VAV3: variants seen among roughly 807,000 people sequenced by gnomAD.
VAV3 encodes the protein vav guanine nucleotide exchange factor 3, also known as guanine nucleotide exchange factor VAV3.
VAV3 carries 94 observed loss-of-function variants against 131.2 expected under a neutral mutation model. That is an observed-to-expected ratio of 0.72 (90% CI 0.61 to 0.85). The LOEUF (loss-of-function observed/expected upper bound fraction) is 0.85. Ranked by LOEUF, VAV3 falls within the 40% of genes least tolerant of loss-of-function variation. The pLI, the probability that VAV3 is intolerant of heterozygous loss-of-function variation, is 0.00. For missense variants in VAV3, 939 were observed against 1,002.7 expected (o/e 0.94, Z 0.86); for synonymous variants, 349 against 342.0 (o/e 1.02, Z -0.22).
At chr1:107,860,836 G>T (rs532236916) in intron 2 of VAV3, among the ~76,000 whole-genome samples, 2 of 151,720 alleles carry the variant, frequency 1.3e-5, no homozygotes, top group South Asian at 4.2e-4. Flanking sequence ...TTTGAGTCCA[G>T]CCTGGGCAAC....
At chr1:107,720,306 C>A (rs1661407496) in intron 15 of VAV3, among the ~76,000 whole-genome samples, 1 of 151,322 alleles carries the variant, frequency 6.6e-6, no homozygotes, top group African/African-American at 2.4e-5. Flanking sequence ...TCACTTGAGC[C>A]CAGGATGTTG....
intron 24 of VAV3, among the ~76,000 whole-genome samples, chr1:107,596,671 T>C (rs56131616): frequency 0.017 from 2,611 of 152,308 alleles, 38 homozygotes; most frequent in Non-Finnish European, 0.027. Context: ...TTATTGTTCT[T>C]ATTTATGAAA....
Position 107,687,929 on chromosome 1 carries a change from A to C in VAV3, c.1731+452T>G, listed in dbSNP as rs115722834. Among the ~76,000 whole-genome samples, 1,137 of 152,320 alleles carry C rather than the reference A, an allele frequency of 7.5e-3. 14 individuals carry two copies. The highest frequency in any genetic ancestry group is 0.026 in the African/African-American group (1,067 of 41,576). ...TTCATTTGATCAATAGGATGTGATA[A>C]TCATCATCTTTCTGCTCTAATGGAA... On this transcript the variant is annotated intron_variant, in intron 18 of 26. Transcript: ENST00000370056.
intron 10 of VAV3, among the ~76,000 whole-genome samples, chr1:107,758,872 C>T (rs558337334): frequency 7.1e-4 from 108 of 152,280 alleles, no homozygotes; most frequent in Non-Finnish European, 1.2e-3. Context: ...AAATTATGTT[C>T]TAATATCTAA....
intron 20 of VAV3, among the ~76,000 whole-genome samples, chr1:107,632,088 C>T (rs530593419): frequency 6.6e-6 from 1 of 152,198 alleles, no homozygotes; most frequent in South Asian, 2.1e-4. Context: ...GTTTACAGTC[C>T]CACCAACAGT....
intron 2 of VAV3, among the ~76,000 whole-genome samples, chr1:107,858,492 C>T (rs1200027170): frequency 1.3e-5 from 2 of 152,164 alleles, no homozygotes; most frequent in Middle Eastern, 3.2e-3. Flanking sequence ...GTCTGGTACA[C>T]AGCAGGAGGT....
intron 2 of VAV3, among the ~76,000 whole-genome samples, chr1:107,869,139 C>G (rs1670136398): frequency 6.6e-6 from 1 of 152,156 alleles, no homozygotes; most frequent in Non-Finnish European, 1.5e-5. Flanking sequence ...AACCCCATTC[C>G]TGAACCATCA....
At chr1:107,790,911 C>T (rs1342204505) in intron 2 of VAV3, among the ~76,000 whole-genome samples, 1 of 152,048 alleles carries the variant, frequency 6.6e-6, no homozygotes, top group Non-Finnish European at 1.5e-5. Flanking sequence ...TGGTCTCAAA[C>T]TCCTGACCTC....
At position 107,838,127 on chromosome 1, in the gene VAV3, A is replaced by T. The variant is rs188140346; in HGVS notation, c.321+36774T>A. Reference sequence around the variant, plus strand: ...ACAGAATGGAAGAATATATTCGCAAACTATGCATCCGACAAAGTTCTAATA... The same window carrying T: ...ACAGAATGGAAGAATATATTCGCAATCTATGCATCCGACAAAGTTCTAATA... On this transcript the variant is annotated intron_variant, in intron 2 of 26. Coordinates refer to ENST00000370056, the MANE Select transcript of VAV3 (RefSeq NM_006113.5). Among the ~76,000 whole-genome samples the T allele has an allele frequency of 6.0e-3, 908 of 152,312 alleles. 11 individuals are homozygous for T. Among genetic ancestry groups the T allele is most frequent in the Non-Finnish European group, 8.1e-3 (551 of 68,018 alleles).
rs578124914 is a variant in VAV3, at chr1:107,617,282, A to C, written c.1980+285T>G. ...TCAGTGGGAAAGGGGAAACCTGTAC[A>C]ATGCGTCTAATTTGTAGCTGTGGTT... is the stretch of plus-strand genomic sequence containing the variant. On this transcript the variant is annotated intron_variant, in intron 21 of 26. Transcript: ENST00000370056. Among the ~76,000 whole-genome samples the C allele has an allele frequency of 1.7e-3, 264 of 152,284 alleles. No individual in the cohort carries two copies. Among genetic ancestry groups the C allele is most frequent in the Non-Finnish European group, 3.2e-3 (218 of 68,020 alleles).
chr1:107,711,631 C>G (rs558280893), intron 15 of VAV3, among the ~76,000 whole-genome samples: 10 of 152,250 alleles, frequency 6.6e-5, no homozygotes, highest in Non-Finnish European at 1.0e-4. Flanking sequence ...AAAATCCTAA[C>G]ATGAAAAGTT....
chr1:107,808,405 A>G (rs915955569), intron 2 of VAV3, among the ~76,000 whole-genome samples: 5 of 152,148 alleles, frequency 3.3e-5, no homozygotes, highest in Middle Eastern at 3.2e-3. Flanking sequence ...CCCTTTTTCA[A>G]ATTGCTTTTC....
intron 25 of VAV3, among the ~76,000 whole-genome samples, chr1:107,594,676 T>C (rs973312385): frequency 1.4e-4 from 22 of 152,132 alleles, no homozygotes; most frequent in Admixed American, 1.2e-3. Context: ...AGACATAATT[T>C]TAAGTTAGAC....
chr1:107,749,978 GAA>G (rs1663609372), intron 13 of VAV3, among the ~76,000 whole-genome samples: 1 of 148,120 alleles, frequency 6.8e-6, no homozygotes, highest in Non-Finnish European at 1.5e-5. Flanking sequence ...AGCTTCTACT[GAA>G]GTTACTAGGA....
chr1:107,745,778 G>A (rs973387582), intron 15 of VAV3, among the ~76,000 whole-genome samples: 4 of 152,128 alleles, frequency 2.6e-5, no homozygotes, highest in African/African-American at 7.2e-5. Context: ...GCCATCTTCT[G>A]TAAATAGAAA....
At chr1:107,602,610 C>T (rs945866602) in intron 23 of VAV3, 126 bp from the exon 24 acceptor site, 3 of 660,050 alleles carry the variant, frequency 4.5e-6, no homozygotes, top group Non-Finnish European at 7.3e-6. Flanking sequence ...TATACCTATG[C>T]CAATACACTG....
At position 107,889,338 on chromosome 1, in the gene VAV3, C is replaced by T. The variant is rs1671205778; in HGVS notation, c.205-14321G>A. 3.9e-5 allele frequency among the ~76,000 whole-genome samples: 6 copies of T among 151,946 alleles called. No homozygotes were observed. The South Asian group carries it at 1.0e-3, about 26-fold the overall frequency. On this transcript the variant is annotated intron_variant, in intron 1 of 26. Coordinates refer to ENST00000370056, the MANE Select transcript of VAV3 (RefSeq NM_006113.5). ...TGACTATCACTACCCAGAGTTGCCA[C>T]GCAAGGTTTAACACAGAAATGTAAT... is the stretch of plus-strand genomic sequence containing the variant.
intron 1 of VAV3, among the ~76,000 whole-genome samples, chr1:107,938,888 CAG>C: frequency 6.6e-6 from 1 of 152,320 alleles, no homozygotes. Context: ...GTACCAATCA[CAG>C]AGTTTCAGCC....
intron 19 of VAV3, among the ~76,000 whole-genome samples, chr1:107,676,647 G>A (rs1262561087): frequency 6.6e-6 from 1 of 152,040 alleles, no homozygotes; most frequent in East Asian, 1.9e-4. Flanking sequence ...TTGTCACTTG[G>A]TAATCAAAAG....
Sources: allele counts gnomAD v4.1 joint callset (sites outside exome capture counted in the v4.1 genomes callset), GRCh38; gene constraint gnomAD v4.1.1; transcripts MANE v1.5; gene names NCBI Gene and HGNC (gene_info 2026-07-23, HGNC 2026-07-21).